PTHLH: variants seen among roughly 807,000 people sequenced by gnomAD.
PTHLH encodes parathyroid hormone-related protein.
A neutral mutation model predicts 18.6 loss-of-function variants in PTHLH; 5 were observed. The observed-to-expected ratio is 0.27, with a 90% confidence interval of 0.14 to 0.56. The LOEUF is 0.56. Ranked by LOEUF, PTHLH falls within the 20% of genes least tolerant of loss-of-function variation. The pLI is 0.92. For missense variants in PTHLH, 207 were observed against 223.9 expected (o/e 0.92, Z 0.48); for synonymous variants, 90 against 94.0 (o/e 0.96, Z 0.25).
intron 5 of PTHLH, among the ~76,000 whole-genome samples, chr12:27,959,260 C>T (rs1002980434): frequency 3.3e-5 from 5 of 152,118 alleles, no homozygotes; most frequent in African/African-American, 1.2e-4. Context: ...AATCATTTGT[C>T]TCTCACTCTG....
chr12:27,972,223 T>A (rs750359055), intron 1 of PTHLH, among the ~76,000 whole-genome samples: 49 of 152,294 alleles, frequency 3.2e-4, no homozygotes, highest in Middle Eastern at 3.4e-3. Flanking sequence ...ATTGAAATTA[T>A]CAAATCACTT....
At chr12:27,971,267 G>A (rs191019463) in intron 2 of PTHLH, among the ~76,000 whole-genome samples, 6 of 152,236 alleles carry the variant, frequency 3.9e-5, no homozygotes, top group Non-Finnish European at 7.4e-5. Flanking sequence ...GAGAAGCGAC[G>A]GGAAAGCCGA....
chr12:27,963,027 A>G, intron 5 of PTHLH: 1 of 1,233,666 alleles, frequency 8.1e-7, no homozygotes, highest in Non-Finnish European at 1.0e-6. Context: ...CCAGCAAATT[A>G]TGAAGATGGT....
chr12:27,964,258 CT>C (rs369112302), intron 4 of PTHLH, among the ~76,000 whole-genome samples: 31,273 of 81,762 alleles, frequency 0.38, 3,521 homozygotes, highest in Middle Eastern at 0.48. Context: ...CTCTCTCTCT[CT>C]CTCTCTCTCC....
chr12:27,964,248 CT>C (rs1424793949), intron 4 of PTHLH, among the ~76,000 whole-genome samples: 1 of 39,690 alleles, frequency 2.5e-5, no homozygotes. Flanking sequence ...CTCTCTCTCT[CT>C]CTCTCTCTCT....
intron 1 of PTHLH, among the ~76,000 whole-genome samples, 155 bp downstream of exon 1, chr12:27,972,368 T>C (rs1001124085): frequency 6.6e-6 from 1 of 152,214 alleles, no homozygotes; most frequent in African/African-American, 2.4e-5. Context: ...CCTTTCTTTT[T>C]CCCCACACAC....
chr12:27,969,920 A>T (rs2062854044), intron 3 of PTHLH, 105 bp downstream of exon 3: 2 of 519,978 alleles, frequency 3.8e-6, no homozygotes, highest in Non-Finnish European at 7.7e-6. Flanking sequence ...CTCCTAAAAG[A>T]AGAAAGTTTC....
At position 27,970,925 on chromosome 12, in the gene PTHLH, A is replaced by G. The variant is rs77391131; in HGVS notation, c.-265-658T>C. On this transcript the variant is annotated intron_variant, in intron 2 of 5. Transcript: ENST00000545234. Reference sequence around the variant, plus strand: ...CTAGAGAGAGGGAGATCTTTTGCTTAGAAGAACAAAAACAGTTCCAGATTT... The same window carrying G: ...CTAGAGAGAGGGAGATCTTTTGCTTGGAAGAACAAAAACAGTTCCAGATTT... Among the ~76,000 whole-genome samples, 1,517 of 152,316 alleles carry G rather than the reference A, an allele frequency of 1.0e-2. 8 individuals carry two copies. Among genetic ancestry groups the G allele is most frequent in the Middle Eastern group, 0.031 (9 of 294 alleles).
chr12:27,963,611 G>T lies in PTHLH; in HGVS notation c.261C>A (p.Asn87Lys), dbSNP rs139412701. 3.3e-5 allele frequency: 53 copies of T among 1,614,066 alleles called. No homozygotes were observed. The highest frequency in any genetic ancestry group is 4.0e-5 in the Non-Finnish European group (47 of 1,180,042). The change falls in exon 5 of 6, where the codon AAC (asparagine) becomes AAA (lysine). Residue 87 changes from asparagine (N) to lysine (K), a missense_variant. By Grantham distance (94) the Asn-to-Lys change is moderately conservative. Transcript: ENST00000545234. The stretch of plus-strand genomic sequence containing the variant: ...CAAATCGGACGGGGTGGTTCTTTGT[G>T]TTGGGAGAGGGCTTGGAGTTAGGGG... ...EVSPNSKPSP[N>K]TKNHPVRFGS...
chr12:27,970,864 G>A (rs374470909), intron 2 of PTHLH, among the ~76,000 whole-genome samples: 53 of 152,338 alleles, frequency 3.5e-4, no homozygotes, highest in African/African-American at 1.3e-3. Flanking sequence ...TTCCTCCCTG[G>A]CCCATTCCCG....
rs376677279 is a variant in PTHLH, at chr12:27,963,333, A to C, written c.524+15T>G. Reference sequence around the variant, plus strand: ...GAGCACCCCGCTGAGGCTACGGGCCAGAGAAGCCTGTTACCGTGAATCGAG... The same window carrying C: ...GAGCACCCCGCTGAGGCTACGGGCCCGAGAAGCCTGTTACCGTGAATCGAG... On this transcript the variant is annotated intron_variant, in intron 5 of 5. Coordinates refer to ENST00000545234, the MANE Select transcript of PTHLH (RefSeq NM_198965.2). 9.9e-5 allele frequency: 159 copies of C among 1,614,116 alleles called. No homozygotes were observed. The highest frequency in any genetic ancestry group is 1.3e-4 in the Non-Finnish European group (150 of 1,180,036).
intron 2 of PTHLH, 94 bp from the exon 3 acceptor site, chr12:27,970,361 G>A (rs961462933): frequency 4.7e-5 from 7 of 148,286 alleles, no homozygotes; most frequent in African/African-American, 1.7e-4. Flanking sequence ...GCGGGCGCGC[G>A]GGGGGCGGGG....
Position 27,963,522 on chromosome 12 carries a change from T to C in PTHLH, c.350A>G (p.Gln117Arg). The change falls in exon 5 of 6, where the codon CAG becomes CGG. Residue 117 changes from glutamine to arginine, a missense_variant. Transcript: ENST00000545234. ...TTTCTTCCCAGGTGTCTTGAGCGGCTGCTCTTTGTACGTCTCCACCTTGTT... is the reference window on the plus strand; with the variant it reads ...TTTCTTCCCAGGTGTCTTGAGCGGCCGCTCTTTGTACGTCTCCACCTTGTT... ...ETNKVETYKEQPLKTPGKKKK... is the reference protein window; with the variant it reads ...ETNKVETYKERPLKTPGKKKK... 1 of 1,614,244 alleles carries C rather than the reference T, an allele frequency of 6.2e-7. No homozygotes were observed. The highest frequency in any genetic ancestry group is 8.5e-7 in the Non-Finnish European group (1 of 1,180,038).
chr12:27,966,242 C>A (rs993744434), intron 4 of PTHLH, among the ~76,000 whole-genome samples: 3 of 152,210 alleles, frequency 2.0e-5, no homozygotes, highest in African/African-American at 4.8e-5. Flanking sequence ...TATAAAAAGC[C>A]TACAATATGG....
intron 2 of PTHLH, among the ~76,000 whole-genome samples, chr12:27,970,505 C>G (rs1412588074): frequency 6.6e-6 from 1 of 151,652 alleles, no homozygotes; most frequent in East Asian, 1.9e-4. Flanking sequence ...GGAGCTCTGC[C>G]GAGCCCCACC....
intron 4 of PTHLH, among the ~76,000 whole-genome samples, chr12:27,964,509 G>GTA (rs2062794812): frequency 2.0e-5 from 3 of 151,974 alleles, no homozygotes; most frequent in Non-Finnish European, 4.4e-5. Context: ...GAGAGGGAGA[G>GTA]TATGTGTATT....
chr12:27,969,546 T>A, intron 3 of PTHLH, 30 bp from the exon 4 acceptor site: 1 of 1,517,472 alleles, frequency 6.6e-7, no homozygotes, highest in Non-Finnish European at 8.9e-7. Flanking sequence ...GACCCGAGTG[T>A]CAGTCTGGAC....
chr12:27,969,922 G>A (rs769066459), intron 3 of PTHLH, 103 bp downstream of exon 3: 4 of 519,958 alleles, frequency 7.7e-6, no homozygotes, highest in African/African-American at 7.7e-5. Context: ...CCTAAAAGAA[G>A]AAAGTTTCCC....
chr12:27,966,426 T>C (rs1325890419), intron 4 of PTHLH, among the ~76,000 whole-genome samples: 1 of 152,226 alleles, frequency 6.6e-6, no homozygotes, highest in Non-Finnish European at 1.5e-5. Flanking sequence ...ATTAAAGTAT[T>C]GTGAAGAATG....
Sources: gnomAD v4.1 joint callset for allele counts (sites outside exome capture counted in the v4.1 genomes callset) on GRCh38, gnomAD v4.1.1 for gene constraint, MANE v1.5 for transcripts, NCBI Gene and HGNC (gene_info 2026-07-23, HGNC 2026-07-21) for gene names.